Variants in SHISA9 observed in about 807,000 individuals in gnomAD.
SHISA9 encodes the protein protein shisa-9.
A neutral mutation model predicts 38.0 loss-of-function variants in SHISA9; 13 were observed. The ratio of observed to expected loss-of-function variants is 0.34; its 90% CI spans 0.22 to 0.54. The LOEUF is 0.54. Among genes scored for constraint, SHISA9 ranks in the 20% least tolerant of loss-of-function variants. The probability of loss-of-function intolerance (pLI) is 0.91; values close to 1 mark genes in which losing one functional copy is unlikely to be tolerated. For synonymous variants in SHISA9, 275 were observed against 242.0 expected (o/e 1.14, Z -1.27); for missense variants, 538 against 575.8 (o/e 0.93, Z 0.67).
intron 2 of SHISA9, among the ~76,000 whole-genome samples, chr16:12,954,293 C>A (rs4781357): frequency 6.6e-6 from 1 of 151,970 alleles, no homozygotes. Context: ...CAAATAACAA[C>A]TTATGAAACA....
At chr16:13,197,218 G>A (rs956069166) in intron 2 of SHISA9, among the ~76,000 whole-genome samples, 6 of 151,624 alleles carry the variant, frequency 4.0e-5, no homozygotes, top group South Asian at 2.1e-4. Flanking sequence ...TCTGGAACAC[G>A]GTGTGTGCTC....
At chr16:13,273,364 G>C in the SHISA9 span, among the ~76,000 whole-genome samples, 2 of 152,148 alleles carry the variant, frequency 1.3e-5, no homozygotes, top group Non-Finnish European at 2.9e-5. Flanking sequence ...CATGTGTTGT[G>C]GGAGGGACCT....
intron 2 of SHISA9, among the ~76,000 whole-genome samples, chr16:13,097,911 C>T (rs1351264395): frequency 2.0e-5 from 3 of 152,172 alleles, no homozygotes; most frequent in African/African-American, 4.8e-5. Flanking sequence ...AGCAAACAAG[C>T]TAGTAGTCAT....
chr16:13,480,044 A>G, the SHISA9 span, among the ~76,000 whole-genome samples: 11 of 152,296 alleles, frequency 7.2e-5, no homozygotes, highest in African/African-American at 2.6e-4. Flanking sequence ...TAATCTGAAA[A>G]ATGGGATCTC....
the SHISA9 span, among the ~76,000 whole-genome samples, chr16:13,411,268 A>G: frequency 2.2e-4 from 34 of 152,204 alleles, no homozygotes; most frequent in Non-Finnish European, 4.4e-4. Context: ...ATGGCAGTTG[A>G]GCATGATGAT....
chr16:12,986,384 G>A (rs1382472399), intron 2 of SHISA9, among the ~76,000 whole-genome samples: 1 of 151,388 alleles, frequency 6.6e-6, no homozygotes, highest in East Asian at 1.9e-4. Flanking sequence ...GTAATTTGGA[G>A]TTTCATTTCC....
the SHISA9 span, among the ~76,000 whole-genome samples, chr16:13,297,245 T>C: frequency 6.6e-6 from 1 of 152,214 alleles, no homozygotes; most frequent in African/African-American, 2.4e-5. Context: ...AATGGTTTTG[T>C]TCATCATTCT....
At chr16:13,460,480 C>A in the SHISA9 span, among the ~76,000 whole-genome samples, 1 of 152,118 alleles carries the variant, frequency 6.6e-6, no homozygotes, top group Non-Finnish European at 1.5e-5. Flanking sequence ...GACAAATGTC[C>A]CACAGTTGGT....
the SHISA9 span, among the ~76,000 whole-genome samples, chr16:13,533,974 AG>A: frequency 3.9e-5 from 6 of 151,920 alleles, no homozygotes; most frequent in Non-Finnish European, 8.8e-5. Context: ...TAGTAGAGAC[AG>A]GGTTTCACCG....
chr16:13,235,250 C>G lies in SHISA9; in HGVS notation c.1116C>G (p.Asp372Glu), dbSNP rs776974357. The change falls in exon 5 of 5, where the codon GAC becomes GAG. Residue 372 changes from aspartate to glutamate, a missense_variant. Transcript: ENST00000558583. ...YTSTTNFKGW[D>E]PNEQSLRRQA... The stretch of plus-strand genomic sequence containing the variant: ...CTACCACCAACTTTAAGGGCTGGGA[C>G]CCCAACGAGCAGTCCCTCCGGCGGC... 3 of 1,551,622 alleles carry G rather than the reference C, an allele frequency of 1.9e-6. No individual in the cohort carries two copies.
At chr16:13,141,697 A>G (rs2050403497) in intron 2 of SHISA9, among the ~76,000 whole-genome samples, 1 of 152,066 alleles carries the variant, frequency 6.6e-6, no homozygotes, top group African/African-American at 2.4e-5. Flanking sequence ...TATATATATA[A>G]TAAAATAAAA....
At chr16:13,385,531 G>C in the SHISA9 span, among the ~76,000 whole-genome samples, 1 of 118,500 alleles carries the variant, frequency 8.4e-6, no homozygotes, top group African/African-American at 3.4e-5. Flanking sequence ...AACAAACTGT[G>C]GTATATCCAT....
chr16:13,233,640 A>G (rs1248711825), intron 4 of SHISA9, among the ~76,000 whole-genome samples: 2 of 152,242 alleles, frequency 1.3e-5, no homozygotes, highest in African/African-American at 4.8e-5. Context: ...TTTGTGTCCA[A>G]TAAAACCTTG....
At chr16:13,219,865 G>C (rs1391660166) in intron 4 of SHISA9, among the ~76,000 whole-genome samples, 1 of 152,178 alleles carries the variant, frequency 6.6e-6, no homozygotes, top group Non-Finnish European at 1.5e-5. Context: ...GGCTGAGGCA[G>C]AAGAATCACT....
intron 2 of SHISA9, among the ~76,000 whole-genome samples, chr16:13,096,572 A>G (rs1244159357): frequency 1.3e-5 from 2 of 152,128 alleles, no homozygotes; most frequent in Non-Finnish European, 2.9e-5. Flanking sequence ...ATAGGCAGAG[A>G]AAATGTTTGA....
At chr16:13,171,337 A>T (rs1034659410) in intron 2 of SHISA9, among the ~76,000 whole-genome samples, 1 of 152,244 alleles carries the variant, frequency 6.6e-6, no homozygotes, top group South Asian at 2.1e-4. Context: ...AAACATCCAA[A>T]CCATATCAGG....
At chr16:13,015,653 G>T (rs1292611934) in intron 2 of SHISA9, among the ~76,000 whole-genome samples, 1 of 152,102 alleles carries the variant, frequency 6.6e-6, no homozygotes, top group East Asian at 1.9e-4. Flanking sequence ...AGGCATGCAG[G>T]CTTCCTGGGT....
chr16:13,115,012 A>T (rs2074018026), intron 2 of SHISA9, among the ~76,000 whole-genome samples: 1 of 149,386 alleles, frequency 6.7e-6, no homozygotes. Context: ...TATCATGATT[A>T]TCTATTTATC....
intron 4 of SHISA9, among the ~76,000 whole-genome samples, chr16:13,220,426 G>A (rs1273734231): frequency 6.6e-6 from 1 of 152,170 alleles, no homozygotes; most frequent in Non-Finnish European, 1.5e-5. Flanking sequence ...TAGTCACACG[G>A]AACAGAGTGT....
Sources: gnomAD v4.1 joint callset for allele counts (sites outside exome capture counted in the v4.1 genomes callset) on GRCh38, gnomAD v4.1.1 for gene constraint, MANE v1.5 for transcripts, NCBI Gene and HGNC (gene_info 2026-07-23, HGNC 2026-07-21) for gene names.